UNC5B: variants seen among roughly 807,000 people sequenced by gnomAD.
UNC5B encodes the protein netrin receptor UNC5B.
UNC5B carries 56 observed loss-of-function variants against 103.7 expected under a neutral mutation model. The observed-to-expected ratio is 0.54, with a 90% confidence interval of 0.44 to 0.67. UNC5B has a LOEUF of 0.67. UNC5B is among the 30% of genes least tolerant of loss of function. UNC5B has a pLI of 0.00. For missense variants in UNC5B, 1,194 were observed against 1,284.5 expected (o/e 0.93, Z 1.08); for synonymous variants, 577 against 542.0 (o/e 1.06, Z -0.90).
intron 1 of UNC5B, among the ~76,000 whole-genome samples, chr10:71,246,896 C>T (rs992342155): frequency 8.5e-5 from 13 of 152,170 alleles, no homozygotes; most frequent in African/African-American, 2.4e-4. Flanking sequence ...TCACGGTGCT[C>T]CCTGAAGCAG....
chr10:71,254,591 G>T (rs1844248603), intron 1 of UNC5B, among the ~76,000 whole-genome samples: 1 of 152,216 alleles, frequency 6.6e-6, no homozygotes, highest in South Asian at 2.1e-4. Context: ...TGGGTTGGGG[G>T]GAGGGAGATT....
At chr10:71,235,132 G>A (rs1383207031) in intron 1 of UNC5B, among the ~76,000 whole-genome samples, 3 of 152,086 alleles carry the variant, frequency 2.0e-5, no homozygotes, top group African/African-American at 4.8e-5. Flanking sequence ...CAGACATCCC[G>A]CCCCAGAAGA....
At position 71,293,709 on chromosome 10, in the gene UNC5B, A is replaced by G; in HGVS notation, c.1951A>G (p.Thr651Ala). 6.3e-7 allele frequency: 1 copy of G among 1,590,270 alleles called. No individual in the cohort carries two copies. Among genetic ancestry groups the G allele is most frequent in the Non-Finnish European group, 8.6e-7 (1 of 1,167,980 alleles). ...TTGCTGTCCCCTACAGGAGGTGGTG[A>G]CCCTGGATGAGGAGACCCTGAACAC... ...AHQGHWEEVV[T>A]LDEETLNTPC... The change falls in exon 13 of 17, where the codon ACC becomes GCC. Residue 651 changes from threonine (T) to alanine (A), a missense_variant. Physicochemically the swap from Thr to Ala is moderately conservative, Grantham distance 58. Transcript: ENST00000335350.
intron 1 of UNC5B, among the ~76,000 whole-genome samples, chr10:71,245,228 C>T (rs1019957672): frequency 5.9e-5 from 9 of 152,206 alleles, no homozygotes; most frequent in Non-Finnish European, 1.0e-4. Context: ...GAGCTGGGAG[C>T]CCCTTAGAGC....
intron 1 of UNC5B, among the ~76,000 whole-genome samples, chr10:71,235,163 G>A (rs567829379): frequency 2.6e-5 from 4 of 152,320 alleles, no homozygotes; most frequent in South Asian, 2.1e-4. Context: ...GTCTGGCGCC[G>A]GAGTGCTTTT....
intron 1 of UNC5B, among the ~76,000 whole-genome samples, chr10:71,234,602 C>T (rs1228712974): frequency 2.0e-5 from 3 of 152,252 alleles, no homozygotes; most frequent in Non-Finnish European, 4.4e-5. Flanking sequence ...CAGAACACAC[C>T]TTCCCTTTGC....
intron 1 of UNC5B, chr10:71,217,774 T>A (rs73276326): frequency 0.07 from 10,529 of 150,262 alleles, 1,188 homozygotes; most frequent in African/African-American, 0.24. Flanking sequence ...ACCTTTTCCA[T>A]CTTAGCGGCC....
chr10:71,251,489 C>T (rs1159310527), intron 1 of UNC5B, among the ~76,000 whole-genome samples: 1 of 152,202 alleles, frequency 6.6e-6, no homozygotes, highest in East Asian at 1.9e-4. Context: ...CACAGTTTAT[C>T]TCCCCATCTG....
chr10:71,249,162 C>T (rs948670102), intron 1 of UNC5B, among the ~76,000 whole-genome samples: 2 of 152,218 alleles, frequency 1.3e-5, no homozygotes, highest in Non-Finnish European at 2.9e-5. Context: ...CTCATGAGAA[C>T]GTGACCACGG....
intron 9 of UNC5B, 67 bp downstream of exon 9, chr10:71,291,176 C>T: frequency 6.6e-7 from 1 of 1,524,006 alleles, no homozygotes; most frequent in Admixed American, 1.9e-5. Context: ...TGGTGGTACC[C>T]AGACCAGAGC....
chr10:71,268,389 C>T (rs4747144), intron 1 of UNC5B, among the ~76,000 whole-genome samples: 100,996 of 152,208 alleles, frequency 0.66, 37,472 homozygotes, highest in Non-Finnish European at 0.83. Flanking sequence ...AGTGACGCTG[C>T]AGCCACAGAC....
At chr10:71,283,814 CG>C (rs765235744) in intron 2 of UNC5B, among the ~76,000 whole-genome samples, 6 of 152,086 alleles carry the variant, frequency 3.9e-5, no homozygotes, top group Non-Finnish European at 5.9e-5. Context: ...AGGCCCTGAC[CG>C]GGGAGCCATT....
chr10:71,288,569 C>T lies in UNC5B; in HGVS notation c.903C>T (p.Val301=), dbSNP rs767291303. 5 of 1,612,178 alleles carry T rather than the reference C, an allele frequency of 3.1e-6. No homozygotes were observed. The highest frequency in any genetic ancestry group is 4.5e-5 in the East Asian group (2 of 44,876). Residue 301 remains valine, a splice_region_variant and synonymous_variant, in exon 7 of 17, where the codon GTC becomes GTT. Coordinates refer to ENST00000335350, the MANE Select transcript of UNC5B (RefSeq NM_170744.5). ...CTCCTGTATGCCATGCTCTTACAGT[C>T]GATGGGGCGTGGACGGAGTGGAGCA... ...QKTACTTICP[V]DGAWTEWSKW...
intron 1 of UNC5B, among the ~76,000 whole-genome samples, chr10:71,236,178 T>G (rs1033902974): frequency 1.3e-5 from 2 of 152,216 alleles, no homozygotes; most frequent in African/African-American, 4.8e-5. Context: ...GGTGACACCT[T>G]GGCTTACAGT....
chr10:71,223,485 C>T (rs1006715688), intron 1 of UNC5B, among the ~76,000 whole-genome samples: 2 of 152,114 alleles, frequency 1.3e-5, no homozygotes, highest in Admixed American at 6.6e-5. Flanking sequence ...ACTGTGTACC[C>T]AACATGGTGG....
intron 1 of UNC5B, among the ~76,000 whole-genome samples, chr10:71,265,424 G>T (rs1469859214): frequency 6.6e-6 from 1 of 152,168 alleles, no homozygotes. Flanking sequence ...GGCCTGCCCT[G>T]TCTAGCAGGG....
At chr10:71,255,578 G>A (rs544403472) in intron 1 of UNC5B, among the ~76,000 whole-genome samples, 1 of 152,312 alleles carries the variant, frequency 6.6e-6, no homozygotes, top group East Asian at 1.9e-4. Context: ...TTACTAAGAG[G>A]CCACTCCTTG....
intron 1 of UNC5B, among the ~76,000 whole-genome samples, chr10:71,231,500 T>C (rs75842480): frequency 0.036 from 5,496 of 152,316 alleles, 170 homozygotes; most frequent in East Asian, 0.13. Flanking sequence ...TACAGACTTA[T>C]GTGTTGACTC....
In UNC5B at chr10:71,291,698, T is replaced by C; in HGVS notation, c.1561T>C (p.Phe521Leu). The C allele has an allele frequency of 6.2e-7, 1 of 1,613,234 alleles. No individual in the cohort carries two copies. The highest frequency in any genetic ancestry group is 8.5e-7 in the Non-Finnish European group (1 of 1,180,016). ...YPSDFARDTH[F>L]LHLRSASLGS... ...TAGCGATTTCGCCCGGGACACCCAC[T>C]TCCTGCACCTGCGCAGCGCCAGCCT... Residue 521 changes from phenylalanine to leucine, a missense_variant, in exon 10 of 17, where the codon TTC becomes CTC. Coordinates refer to ENST00000335350, the MANE Select transcript of UNC5B (RefSeq NM_170744.5).
Sources: gnomAD v4.1 joint callset for allele counts (sites outside exome capture counted in the v4.1 genomes callset) on GRCh38, gnomAD v4.1.1 for gene constraint, MANE v1.5 for transcripts, NCBI Gene and HGNC (gene_info 2026-07-23, HGNC 2026-07-21) for gene names.